Variants in PTPRZ1 observed in about 807,000 individuals in gnomAD.
The protein encoded by PTPRZ1 is protein tyrosine phosphatase receptor type Z1, also known as receptor-type tyrosine-protein phosphatase zeta.
A neutral mutation model predicts 214.1 loss-of-function variants in PTPRZ1; 82 were observed. The observed-to-expected ratio is 0.38, with a 90% CI of 0.32 to 0.46. PTPRZ1 has a LOEUF of 0.46. Ranked by LOEUF, PTPRZ1 falls within the 20% of genes least tolerant of loss-of-function variation. The pLI is 1.00. For synonymous variants in PTPRZ1, 945 were observed against 987.9 expected (o/e 0.96, Z 0.81); for missense variants, 2,603 against 2,748.7 (o/e 0.95, Z 1.19).
intron 2 of PTPRZ1, among the ~76,000 whole-genome samples, chr7:121,938,264 C>T (rs1057160127): frequency 6.6e-6 from 1 of 152,092 alleles, no homozygotes; most frequent in Non-Finnish European, 1.5e-5. Context: ...TGAAAGATTG[C>T]GAAGATAGGA....
chr7:121,972,714 G>A, intron 4 of PTPRZ1, 22 bp downstream of exon 4: 1 of 1,498,512 alleles, frequency 6.7e-7, no homozygotes, highest in Middle Eastern at 1.8e-4. Context: ...GATCTGCTGT[G>A]TACTATTTTA....
At chr7:122,018,663 A>T (rs1225940239) in intron 12 of PTPRZ1, among the ~76,000 whole-genome samples, 1 of 152,170 alleles carries the variant, frequency 6.6e-6, no homozygotes. Flanking sequence ...TTTCTTCATG[A>T]AATTATTAAT....
intron 1 of PTPRZ1, among the ~76,000 whole-genome samples, chr7:121,879,184 G>C (rs1794155573): frequency 6.6e-6 from 1 of 152,214 alleles, no homozygotes; most frequent in Non-Finnish European, 1.5e-5. Flanking sequence ...GATTGATACT[G>C]AGTGTGTACT....
chr7:122,010,942 A>G lies in PTPRZ1; in HGVS notation c.1896A>G (p.Glu632=). 6.2e-7 allele frequency: 1 copy of G among 1,614,128 alleles called. No homozygotes were observed. Among genetic ancestry groups the G allele is most frequent in the Non-Finnish European group, 8.5e-7 (1 of 1,180,014 alleles). Residue 632 remains glutamate (E), a synonymous_variant, in exon 12 of 30, where the codon GAA becomes GAG. Transcript: ENST00000393386. The part of the protein sequence containing the change: ...LIPESARNAS[E]DSTSSGSEES... Reference sequence around the variant, plus strand: ...CAGAATCTGCTAGAAATGCTTCCGAAGATTCAACTTCATCAGGTTCAGAAG... The same window carrying G: ...CAGAATCTGCTAGAAATGCTTCCGAGGATTCAACTTCATCAGGTTCAGAAG...
chr7:121,922,148 T>TTTGGG (rs1795619939), intron 1 of PTPRZ1, among the ~76,000 whole-genome samples: 1 of 152,192 alleles, frequency 6.6e-6, no homozygotes. Flanking sequence ...GGTTAGATCA[T>TTTGGG]TTGGGTCATA....
chr7:122,014,808 A>T (rs985049735), intron 12 of PTPRZ1, among the ~76,000 whole-genome samples: 20 of 152,136 alleles, frequency 1.3e-4, no homozygotes, highest in Non-Finnish European at 2.6e-4. Context: ...TAATGAAGTT[A>T]AAAAAAATTT....
At chr7:122,041,215 T>C (rs1006345670) in intron 21 of PTPRZ1, among the ~76,000 whole-genome samples, 1 of 152,228 alleles carries the variant, frequency 6.6e-6, no homozygotes, top group African/African-American at 2.4e-5. Flanking sequence ...TTTTATTTGA[T>C]TGTTCAACTG....
chr7:122,043,198 C>T (rs1425310661), intron 22 of PTPRZ1, among the ~76,000 whole-genome samples: 2 of 152,144 alleles, frequency 1.3e-5, no homozygotes, highest in African/African-American at 2.4e-5. Flanking sequence ...TGGGGGGACA[C>T]CATTCAACCC....
intron 1 of PTPRZ1, among the ~76,000 whole-genome samples, chr7:121,895,034 G>A (rs1794746829): frequency 6.6e-6 from 1 of 152,176 alleles, no homozygotes; most frequent in Non-Finnish European, 1.5e-5. Context: ...GAAGGAAAAT[G>A]TGTCCTCTGA....
At chr7:122,023,294 A>G (rs527956276) in intron 13 of PTPRZ1, among the ~76,000 whole-genome samples, 2 of 151,478 alleles carry the variant, frequency 1.3e-5, no homozygotes, top group South Asian at 4.1e-4. Flanking sequence ...GAGAAAATCC[A>G]GATCTCTTTC....
intron 3 of PTPRZ1, among the ~76,000 whole-genome samples, chr7:121,970,787 G>A (rs1197475599): frequency 2.6e-5 from 4 of 152,102 alleles, no homozygotes; most frequent in Non-Finnish European, 5.9e-5. Flanking sequence ...CTTTTGCTGT[G>A]CAGAAGCTCT....
At chr7:122,013,925 G>T in intron 12 of PTPRZ1, 36 bp downstream of exon 12, 1 of 1,489,398 alleles carries the variant, frequency 6.7e-7, no homozygotes, top group Non-Finnish European at 9.0e-7. Context: ...TTGAGGTGTG[G>T]TGGTTTGCTT....
chr7:122,032,248 C>A (rs548411266), intron 15 of PTPRZ1, among the ~76,000 whole-genome samples: 1 of 152,246 alleles, frequency 6.6e-6, no homozygotes, highest in East Asian at 1.9e-4. Flanking sequence ...TTTGTGAACA[C>A]CTTCTTACAT....
chr7:122,006,863 A>G (rs763672306), intron 11 of PTPRZ1, among the ~76,000 whole-genome samples: 1 of 152,138 alleles, frequency 6.6e-6, no homozygotes, highest in Non-Finnish European at 1.5e-5. Context: ...AAGGGGTGGC[A>G]TTGTACATTT....
rs58030102 is a variant in PTPRZ1 at position 121,892,679 on chromosome 7, CATATATATATATATATATATAT to C, written c.58+19145_58+19166del. Reference sequence around the variant, plus strand: ...ATATCTTAGAGTTCTTCAAGCATCTCATATATATATATATATATATATATATATATATATATATATATATGTA... The same window carrying C: ...ATATCTTAGAGTTCTTCAAGCATCTCATATATATATATATATATATATGTA... On this transcript the variant is annotated intron_variant, in intron 1 of 29. Coordinates refer to ENST00000393386, the MANE Select transcript of PTPRZ1 (RefSeq NM_002851.3). 8.0e-4 allele frequency among the ~76,000 whole-genome samples: 79 copies of C among 98,198 alleles called. 2 individuals carry two copies. Among genetic ancestry groups the C allele is most frequent in the South Asian group, 2.8e-3 (9 of 3,164 alleles). The allele number at this position is 98,198 out of a possible 152,430, so 64.4% of individuals were successfully genotyped here. A position where few individuals can be genotyped will look rare whatever the true frequency, so the allele number is the denominator to read the frequency against.
Position 122,011,890 on chromosome 7 carries a change from A to G in PTPRZ1, c.2844A>G (p.Ile948Met). ...HIFTVSYSSA[I>M]PVHDSVGVTY... ...TCACTGTTTCTTACAGTTCTGCAAT[A>G]CCTGTGCATGATTCTGTGGGTGTAA... The change falls in exon 12 of 30, where the codon ATA becomes ATG. Residue 948 changes from isoleucine to methionine, a missense_variant. This residue lies in a region of PTPRZ1 where 1,913 missense variants were observed against 1,914.3 expected (regional missense o/e 1.00). Coordinates refer to ENST00000393386, the MANE Select transcript of PTPRZ1 (RefSeq NM_002851.3). 6.2e-7 allele frequency: 1 copy of G among 1,614,166 alleles called. No individual in the cohort carries two copies. Among genetic ancestry groups the G allele is most frequent in the South Asian group, 1.1e-5 (1 of 91,084 alleles).
Position 122,012,968 on chromosome 7 carries a change from G to T in PTPRZ1, c.3922G>T (p.Gly1308Ter). The change falls in exon 12 of 30, where the codon GGA becomes TGA. Residue 1308 changes from glycine (G) to a stop codon, truncating the protein, a stop_gained. Transcript: ENST00000393386. LOFTEE classifies it high-confidence loss of function. Reference protein sequence around the residue: ...LEINQAHPPKGRHVFATPVLS... With the variant: ...LEINQAHPPK ...GATTAACCAGGCCCATCCCCCAAAA[G>T]GAAGGCATGTATTTGCTACACCTGT... 6.2e-7 allele frequency: 1 copy of T among 1,614,044 alleles called. No individual in the cohort carries two copies. The highest frequency in any genetic ancestry group is 8.5e-7 in the Non-Finnish European group (1 of 1,179,966).
chr7:121,901,586 G>C (rs1288821922), intron 1 of PTPRZ1, among the ~76,000 whole-genome samples: 1 of 152,078 alleles, frequency 6.6e-6, no homozygotes, highest in Non-Finnish European at 1.5e-5. Flanking sequence ...TTACAGATTA[G>C]TGTTTTTAGA....
At chr7:121,887,709 A>G (rs576255939) in intron 1 of PTPRZ1, among the ~76,000 whole-genome samples, 4 of 152,288 alleles carry the variant, frequency 2.6e-5, no homozygotes, top group East Asian at 1.9e-4. Context: ...AAAGAGAACT[A>G]TAAGTTTCTT....
Sources: allele counts gnomAD v4.1 joint callset (sites outside exome capture counted in the v4.1 genomes callset), GRCh38; gene constraint gnomAD v4.1.1; regional missense constraint gnomAD v4.1.1; transcripts MANE v1.5; gene names NCBI Gene and HGNC (gene_info 2026-07-23, HGNC 2026-07-21).